SESN3: variants seen among roughly 807,000 people sequenced by gnomAD.
The protein encoded by SESN3 is sestrin-3.
Under a neutral mutation model 55.3 loss-of-function variants are expected in SESN3, and 21 were observed. The ratio of observed to expected loss-of-function variants is 0.38; its 90% CI spans 0.27 to 0.55. SESN3 has a LOEUF of 0.55. Among genes scored for constraint, SESN3 ranks in the 20% least tolerant of loss-of-function variants. SESN3 has a pLI of 0.76. For missense variants in SESN3, 408 were observed against 604.3 expected (o/e 0.68, Z 3.41); for synonymous variants, 181 against 203.1 (o/e 0.89, Z 0.93).
intron 1 of SESN3, among the ~76,000 whole-genome samples, chr11:95,198,866 G>A (rs926640542): frequency 5.9e-5 from 9 of 152,048 alleles, no homozygotes; most frequent in African/African-American, 2.2e-4. Context: ...CAGCTGCTAG[G>A]ATAATGCAAA....
chr11:95,172,193 T>C lies in SESN3; in HGVS notation c.*1062A>G, dbSNP rs1295342449. ...TTTGTAGTTCAATCACATTAATGCA[T>C]AGAAACACAATTTTTACCTTTGAAA... is the stretch of plus-strand genomic sequence containing the variant. On this transcript the variant is annotated 3_prime_UTR_variant, in exon 10 of 10. Transcript: ENST00000536441. The C allele has an allele frequency of 6.6e-6, 1 of 152,174 alleles. No individual in the cohort carries two copies. Among genetic ancestry groups the C allele is most frequent in the African/African-American group, 2.4e-5 (1 of 41,458 alleles). 9.4% of individuals were successfully genotyped at this position (152,174 alleles called of 1,614,324 possible).
At chr11:95,217,769 T>C (rs545680407) in intron 1 of SESN3, among the ~76,000 whole-genome samples, 334 of 152,248 alleles carry the variant, frequency 2.2e-3, no homozygotes, top group Non-Finnish European at 3.7e-3. Flanking sequence ...CTGGGTATCA[T>C]TAGATCCCAA....
At chr11:95,176,358 G>A (rs777151621) in intron 8 of SESN3, among the ~76,000 whole-genome samples, 1 of 152,212 alleles carries the variant, frequency 6.6e-6, no homozygotes, top group African/African-American at 2.4e-5. Flanking sequence ...AGATGGAAAT[G>A]AAAGGTGAAA....
rs1859821661 is a variant in SESN3, at chr11:95,170,102, G to A, written c.*3153C>T. 1 of 152,102 alleles carries A rather than the reference G, an allele frequency of 6.6e-6. No homozygotes were observed. The highest frequency in any genetic ancestry group is 1.5e-5 in the Non-Finnish European group (1 of 68,016). 9.4% of individuals were successfully genotyped at this position (152,102 alleles called of 1,614,324 possible). ...GAGACAATGTACTTAGTTCAAAAAG[G>A]GGAAGGAGGTAATAAGCTGTCTCAA... On this transcript the variant is annotated 3_prime_UTR_variant, in exon 10 of 10. Coordinates refer to ENST00000536441, the MANE Select transcript of SESN3 (RefSeq NM_144665.4).
chr11:95,188,016 T>TA (rs5793718), intron 4 of SESN3, among the ~76,000 whole-genome samples: 89 of 144,174 alleles, frequency 6.2e-4, no homozygotes, highest in African/African-American at 6.6e-4. Context: ...TCCCATGGCT[T>TA]AAAAAAAAAA....
At chr11:95,181,415 C>G (rs1053851491) in intron 6 of SESN3, among the ~76,000 whole-genome samples, 3 of 151,954 alleles carry the variant, frequency 2.0e-5, no homozygotes, top group African/African-American at 7.2e-5. Context: ...ATACTTTTTT[C>G]CTAAATTTAT....
intron 9 of SESN3, 45 bp from the exon 10 acceptor site, chr11:95,173,386 T>C (rs1462329892): frequency 1.6e-6 from 2 of 1,257,814 alleles, no homozygotes; most frequent in East Asian, 2.4e-5. Flanking sequence ...TATAAACACC[T>C]GGAAAATCTT....
At chr11:95,229,378 C>T (rs577867472) in intron 1 of SESN3, among the ~76,000 whole-genome samples, 1 of 152,228 alleles carries the variant, frequency 6.6e-6, no homozygotes, top group South Asian at 2.1e-4. Context: ...AAAATAACTG[C>T]ACATACTCAA....
intron 1 of SESN3, among the ~76,000 whole-genome samples, chr11:95,227,346 C>T (rs1216030695): frequency 1.3e-5 from 2 of 152,104 alleles, no homozygotes; most frequent in African/African-American, 4.8e-5. Context: ...ACTGGGACTA[C>T]AGGCACACGA....
Position 95,189,840 on chromosome 11 carries a change from A to G in SESN3, c.464T>C (p.Leu155Pro), listed in dbSNP as rs1198949813. ...LEYVPQRLKN[L>P]NEINKLLAHR... is the part of the protein sequence containing the mutation. The stretch of plus-strand genomic sequence containing the variant: ...TGCTAGCAGCTTATTAATTTCATTA[A>G]GATTTTTCAGTCTTTGTGGCACATA... The change falls in exon 4 of 10, where the codon CTT becomes CCT. Residue 155 changes from leucine (L) to proline (P), a missense_variant. Physicochemically the swap from Leu to Pro is moderately conservative, Grantham distance 98. Coordinates refer to ENST00000536441, the MANE Select transcript of SESN3 (RefSeq NM_144665.4). 6.2e-7 allele frequency: 1 copy of G among 1,611,550 alleles called. No individual in the cohort carries two copies. The highest frequency in any genetic ancestry group is 8.5e-7 in the Non-Finnish European group (1 of 1,178,606).
Position 95,206,500 on chromosome 11 carries a change from A to G in SESN3, c.79-12978T>C, listed in dbSNP as rs547833529. ...TCTCAGAGTGCAGTTTTTGATAGAA[A>G]GAAAAAGCTATAATTATGCTATAAT... On this transcript the variant is annotated intron_variant, in intron 1 of 9. Transcript: ENST00000536441. Among the ~76,000 whole-genome samples, 15 of 152,250 alleles carry G rather than the reference A, an allele frequency of 9.9e-5. No individual in the cohort carries two copies. The East Asian group carries it at 2.5e-3, about 25-fold the overall frequency.
chr11:95,215,317 T>C (rs1025362531), intron 1 of SESN3, among the ~76,000 whole-genome samples: 2 of 152,052 alleles, frequency 1.3e-5, no homozygotes, highest in African/African-American at 4.8e-5. Context: ...CTGCTGGTTC[T>C]AGAACCACAC....
chr11:95,206,047 T>A (rs1860540439), intron 1 of SESN3, among the ~76,000 whole-genome samples: 1 of 152,092 alleles, frequency 6.6e-6, no homozygotes, highest in South Asian at 2.1e-4. Context: ...CTAAATTCTG[T>A]ATATTGACTC....
intron 1 of SESN3, among the ~76,000 whole-genome samples, chr11:95,200,253 T>C (rs1264981448): frequency 6.6e-6 from 1 of 152,072 alleles, no homozygotes; most frequent in East Asian, 1.9e-4. Context: ...TTTAAATGAA[T>C]TATAACGGAT....
chr11:95,206,267 C>A (rs1860544051), intron 1 of SESN3, among the ~76,000 whole-genome samples: 1 of 151,800 alleles, frequency 6.6e-6, no homozygotes, highest in African/African-American at 2.4e-5. Context: ...CTATATATTA[C>A]TCAGCCTATT....
chr11:95,185,495 G>A lies in SESN3; in HGVS notation c.526-3C>T. 1 of 1,581,712 alleles carries A rather than the reference G, an allele frequency of 6.3e-7. No homozygotes were observed. The highest frequency in any genetic ancestry group is 8.7e-7 in the Non-Finnish European group (1 of 1,151,868). On this transcript the variant is annotated splice_polypyrimidine_tract_variant and splice_region_variant and intron_variant, in intron 4 of 9. Transcript: ENST00000536441. ...TTTTCTCCAGTTTTGACAAGTTTCT[G>A]AAATAAGAAAGCAAATCAGAGCAAA...
chr11:95,189,744 C>A, intron 4 of SESN3, 35 bp downstream of exon 4: 3 of 1,515,736 alleles, frequency 2.0e-6, no homozygotes, highest in Admixed American at 2.0e-5. Flanking sequence ...AAGTCCTAAG[C>A]AAATTCCTTT....
intron 1 of SESN3, among the ~76,000 whole-genome samples, chr11:95,209,361 C>T (rs746008756): frequency 3.1e-4 from 47 of 151,390 alleles, no homozygotes; most frequent in Non-Finnish European, 5.9e-4. Flanking sequence ...ATCAAAAACA[C>T]ATGATTAAAT....
In SESN3 at chr11:95,184,573, G is replaced by C; in HGVS notation, c.784C>G (p.Leu262Val). 1.2e-6 allele frequency: 2 copies of C among 1,612,754 alleles called. No homozygotes were observed. Among genetic ancestry groups the C allele is most frequent in the Non-Finnish European group, 1.7e-6 (2 of 1,179,482 alleles). The change falls in exon 6 of 10, where the codon CTA (leucine) becomes GTA (valine). Residue 262 changes from leucine (L) to valine (V), a missense_variant. Around this residue, in one of 4 missense-constraint regions of SESN3, gnomAD observed 119 missense variants for 139.9 expected, o/e 0.85. Transcript: ENST00000536441. ...TTCATCCTTTCCATTAAGGCCTCTAGCTCACTTAGAGAATCCACAATCTGG... is the reference window on the plus strand; with the variant it reads ...TTCATCCTTTCCATTAAGGCCTCTACCTCACTTAGAGAATCCACAATCTGG... ...NFGIVDSLSE[L>V]EALMERMKRL...
Sources: allele counts gnomAD v4.1 joint callset (sites outside exome capture counted in the v4.1 genomes callset), GRCh38; gene constraint gnomAD v4.1.1; regional missense constraint gnomAD v4.1.1; transcripts MANE v1.5; gene names NCBI Gene and HGNC (gene_info 2026-07-23, HGNC 2026-07-21).